VWA8: variants seen among roughly 807,000 people sequenced by gnomAD.
VWA8 encodes the protein von Willebrand factor A domain-containing protein 8.
Under a neutral mutation model 241.5 loss-of-function variants are expected in VWA8, and 221 were observed. The observed-to-expected ratio is 0.91, with a 90% CI of 0.82 to 1.02. VWA8 has a LOEUF of 1.02. Ranked by LOEUF, VWA8 falls within the 50% of genes least tolerant of loss-of-function variation. The pLI, the probability that VWA8 is intolerant of heterozygous loss-of-function variation, is 0.00. For missense variants in VWA8, 2,322 were observed against 2,328.7 expected, an observed-to-expected ratio of 1.00 and a Z score of 0.06; for synonymous variants, 852 against 827.1, an observed-to-expected ratio of 1.03 and a Z score of -0.52.
chr13:41,630,740 GAA>G, intron 37 of VWA8, among the ~76,000 whole-genome samples: 1 of 151,596 alleles, frequency 6.6e-6, no homozygotes, highest in Admixed American at 6.6e-5. Context: ...GATAAAAGGA[GAA>G]AAAAAAGTTT....
intron 37 of VWA8, among the ~76,000 whole-genome samples, chr13:41,641,298 G>A (rs1251116175): frequency 2.0e-5 from 3 of 151,940 alleles, no homozygotes; most frequent in Non-Finnish European, 2.9e-5. Context: ...CGAGAATTGC[G>A]GTGCTTAGAG....
At chr13:41,721,322 T>TA in intron 25 of VWA8, 48 bp downstream of exon 25, 2 of 1,594,624 alleles carry the variant, frequency 1.3e-6, no homozygotes, top group Middle Eastern at 3.4e-4. Context: ...TCTGAAAAAA[T>TA]AAAAAAGAGA....
At chr13:41,955,764 T>C (rs938111982) in intron 1 of VWA8, 5 of 152,200 alleles carry the variant, frequency 3.3e-5, no homozygotes, top group African/African-American at 1.2e-4. Context: ...GTATGTAAAT[T>C]AACTGAAACC....
chr13:41,794,804 G>A (rs1191797000), intron 17 of VWA8, among the ~76,000 whole-genome samples: 1 of 152,048 alleles, frequency 6.6e-6, no homozygotes, highest in African/African-American at 2.4e-5. Flanking sequence ...ATTAACTAAA[G>A]ATGGATTAAC....
intron 21 of VWA8, among the ~76,000 whole-genome samples, chr13:41,759,246 C>T (rs1184737491): frequency 1.3e-5 from 2 of 151,466 alleles, no homozygotes; most frequent in African/African-American, 2.4e-5. Flanking sequence ...TTTCTTTCAG[C>T]ACTTCAATTG....
intron 4 of VWA8, 100 bp downstream of exon 4, chr13:41,907,486 A>G (rs1466214107): frequency 1.0e-6 from 1 of 991,388 alleles, no homozygotes. Context: ...CAATACAACT[A>G]CCTTTTACTG....
At chr13:41,754,019 G>C (rs1309592446) in intron 21 of VWA8, among the ~76,000 whole-genome samples, 1 of 152,026 alleles carries the variant, frequency 6.6e-6, no homozygotes, top group Non-Finnish European at 1.5e-5. Flanking sequence ...GGCAAATGTA[G>C]CCCTAAAACT....
At chr13:41,622,602 T>C (rs1198994229) in intron 37 of VWA8, among the ~76,000 whole-genome samples, 1 of 152,212 alleles carries the variant, frequency 6.6e-6, no homozygotes, top group Admixed American at 6.5e-5. Context: ...TGCTTTCTTT[T>C]AGGTAAGTGT....
chr13:41,687,618 T>C (rs186394958), intron 34 of VWA8, among the ~76,000 whole-genome samples: 1 of 152,158 alleles, frequency 6.6e-6, no homozygotes, highest in Non-Finnish European at 1.5e-5. Context: ...ATAAGCTCTG[T>C]CTGTTTCTAT....
chr13:41,693,002 A>C (rs377666631), intron 29 of VWA8, 30 bp from the exon 30 acceptor site: 73 of 1,480,608 alleles, frequency 4.9e-5, no homozygotes, highest in African/African-American at 1.7e-4. Flanking sequence ...TGAAAAGCTC[A>C]AGATTTGTTC....
intron 21 of VWA8, among the ~76,000 whole-genome samples, chr13:41,739,829 TTTTTTTTTTG>T (rs1281757057): frequency 3.3e-4 from 26 of 78,724 alleles, no homozygotes; most frequent in Admixed American, 5.2e-4. Context: ...GTTTTTTTGT[TTTTTTTTTTG>T]TTTTTTTTGT....
intron 3 of VWA8, among the ~76,000 whole-genome samples, chr13:41,908,432 A>G (rs1406923262): frequency 2.0e-5 from 3 of 152,150 alleles, no homozygotes; most frequent in Non-Finnish European, 4.4e-5. Context: ...AGATCACACC[A>G]TTGCACTCCA....
intron 4 of VWA8, among the ~76,000 whole-genome samples, chr13:41,901,913 TACACACAC>T (rs3073095): frequency 3.1e-5 from 2 of 64,028 alleles, no homozygotes; most frequent in African/African-American, 4.7e-5. Context: ...TATATATATA[TACACACAC>T]ATATATATTT....
chr13:41,642,884 A>C (rs766556855), intron 37 of VWA8, among the ~76,000 whole-genome samples: 1 of 151,776 alleles, frequency 6.6e-6, no homozygotes, highest in Non-Finnish European at 1.5e-5. Flanking sequence ...AGCTGAGATC[A>C]CACCACTGCA....
At chr13:41,629,568 T>C (rs2044713832) in intron 37 of VWA8, among the ~76,000 whole-genome samples, 1 of 152,222 alleles carries the variant, frequency 6.6e-6, no homozygotes, top group Admixed American at 6.5e-5. Context: ...TTCTCAATAC[T>C]GTAATAAAAG....
intron 2 of VWA8, among the ~76,000 whole-genome samples, chr13:41,944,108 A>AAT (rs1877730054): frequency 6.8e-6 from 1 of 146,498 alleles, no homozygotes; most frequent in Non-Finnish European, 1.5e-5. Flanking sequence ...CTGTCTCAAA[A>AAT]AATAATAATA....
intron 12 of VWA8, 191 bp downstream of exon 12, chr13:41,865,545 T>C: frequency 1.7e-6 from 1 of 576,478 alleles, no homozygotes; most frequent in Non-Finnish European, 2.9e-6. Flanking sequence ...GCACATCAGA[T>C]ATCCTAGAAT....
intron 37 of VWA8, among the ~76,000 whole-genome samples, chr13:41,662,103 T>C (rs1231698400): frequency 6.6e-6 from 1 of 152,206 alleles, no homozygotes; most frequent in African/African-American, 2.4e-5. Flanking sequence ...CTTTTAAAAA[T>C]TATTTTGGTT....
intron 41 of VWA8, among the ~76,000 whole-genome samples, chr13:41,589,395 T>C (rs2044440081): frequency 6.6e-6 from 1 of 152,242 alleles, no homozygotes; most frequent in Non-Finnish European, 1.5e-5. Flanking sequence ...TGTTTTCACT[T>C]GAAGGTTTCT....
Sources: gnomAD v4.1 joint callset for allele counts (sites outside exome capture counted in the v4.1 genomes callset) on GRCh38, gnomAD v4.1.1 for gene constraint, MANE v1.5 for transcripts, NCBI Gene and HGNC (gene_info 2026-07-23, HGNC 2026-07-21) for gene names.